The following RTN4 variants were observed in gnomAD, a reference collection of about 807,000 sequenced individuals.
RTN4 encodes reticulon-4.
In RTN4, 32 loss-of-function variants were observed where a neutral mutation model predicts 90.4. The observed-to-expected ratio is 0.35, with a 90% CI of 0.27 to 0.48. The LOEUF (loss-of-function observed/expected upper bound fraction) is 0.48. Among genes scored for constraint, RTN4 ranks in the 20% least tolerant of loss-of-function variants. RTN4 has a pLI of 0.99. For missense variants in RTN4, 1,706 were observed against 1,430.2 expected, an observed-to-expected ratio of 1.19 and a Z score of -3.11; for synonymous variants, 629 against 552.5, an observed-to-expected ratio of 1.14 and a Z score of -1.94.
At chr2:55,073,647 T>G (rs946965415) in intron 2 of RTN4, among the ~76,000 whole-genome samples, 1 of 152,248 alleles carries the variant, frequency 6.6e-6, no homozygotes, top group African/African-American at 2.4e-5. Flanking sequence ...TAGGAGCCAC[T>G]TTAAAATACA....
chr2:55,127,077 G>C, the RTN4 span, among the ~76,000 whole-genome samples: 1 of 152,112 alleles, frequency 6.6e-6, no homozygotes, highest in African/African-American at 2.4e-5. Context: ...TAATACCTGG[G>C]TGATGAAATA....
At chr2:55,086,972 T>C (rs925476612) in intron 1 of RTN4, among the ~76,000 whole-genome samples, 3 of 152,146 alleles carry the variant, frequency 2.0e-5, no homozygotes, top group Non-Finnish European at 2.9e-5. Flanking sequence ...TTTTCAACCT[T>C]ATATAAATGG....
At chr2:54,977,332 G>A (rs1677716125) in intron 5 of RTN4, among the ~76,000 whole-genome samples, 1 of 151,430 alleles carries the variant, frequency 6.6e-6, no homozygotes, top group Non-Finnish European at 1.5e-5. Flanking sequence ...AAATGTGAAT[G>A]TTAACAGCTG....
intron 1 of RTN4, among the ~76,000 whole-genome samples, chr2:55,039,109 G>C (rs1053485988): frequency 6.6e-6 from 1 of 152,198 alleles, no homozygotes; most frequent in African/African-American, 2.4e-5. Context: ...GTAGGAACCA[G>C]AGCAAAGAAT....
chr2:55,132,502 C>CAA, the RTN4 span, among the ~76,000 whole-genome samples: 43 of 142,908 alleles, frequency 3.0e-4, no homozygotes, highest in East Asian at 1.9e-3. Context: ...GACTCTGTCT[C>CAA]AAAAAAAAAA....
chr2:55,011,807 C>G (rs1396432986), intron 3 of RTN4, among the ~76,000 whole-genome samples: 2 of 152,180 alleles, frequency 1.3e-5, no homozygotes. Flanking sequence ...CTATCTGCCT[C>G]TCTAACTCCA....
chr2:55,135,733 C>A, the RTN4 span, among the ~76,000 whole-genome samples: 1 of 152,164 alleles, frequency 6.6e-6, no homozygotes, highest in East Asian at 1.9e-4. Context: ...TGCTGTAGTC[C>A]TTCCTGCCAA....
chr2:54,977,184 C>G (rs1385665400), intron 5 of RTN4, among the ~76,000 whole-genome samples: 4 of 152,220 alleles, frequency 2.6e-5, no homozygotes, highest in Non-Finnish European at 5.9e-5. Flanking sequence ...CCTGCACTCT[C>G]AAACTCTAAA....
At chr2:54,987,029 TA>T (rs1408986296) in intron 4 of RTN4, among the ~76,000 whole-genome samples, 1 of 151,522 alleles carries the variant, frequency 6.6e-6, no homozygotes, top group African/African-American at 2.4e-5. Flanking sequence ...AAAAAATAAT[TA>T]AAAAGTAAAG....
chr2:55,044,785 T>TAAAAACAAA (rs1683306585), intron 1 of RTN4, among the ~76,000 whole-genome samples: 1 of 65,644 alleles, frequency 1.5e-5, no homozygotes, highest in Non-Finnish European at 2.6e-5. Flanking sequence ...TGCAAATCAC[T>TAAAAACAAA]AAAAAAAAAA....
the RTN4 span, among the ~76,000 whole-genome samples, chr2:55,130,990 G>A: frequency 6.6e-6 from 1 of 152,154 alleles, no homozygotes; most frequent in Non-Finnish European, 1.5e-5. Flanking sequence ...AAAGTCCTGG[G>A]CCCCCATCTG....
chr2:55,025,357 T>G lies in RTN4; in HGVS notation c.2742A>C (p.Glu914Asp). 12 of 1,613,982 alleles carry G rather than the reference T, an allele frequency of 7.4e-6. No homozygotes were observed. Among genetic ancestry groups the G allele is most frequent in the Non-Finnish European group, 1.0e-5 (12 of 1,179,912 alleles). ...TCTTCAAAGAAAGGTCATGGGGCAA[T>G]TCTGTGCAAGGCAATGACCCAGCTC... Reference protein sequence around the residue: ...PDGAGSLPCTELPHDLSLKNI... With the variant: ...PDGAGSLPCTDLPHDLSLKNI... The change falls in exon 3 of 9, where the codon GAA becomes GAC. Residue 914 changes from glutamate (E) to aspartate (D), a missense_variant. Physicochemically the swap from Glu to Asp is conservative, Grantham distance 45. Coordinates refer to ENST00000337526, the MANE Select transcript of RTN4 (RefSeq NM_020532.5).
chr2:55,095,355 T>A (rs1013306072), intron 1 of RTN4, among the ~76,000 whole-genome samples: 1 of 151,876 alleles, frequency 6.6e-6, no homozygotes, highest in Non-Finnish European at 1.5e-5. Flanking sequence ...AAAACCCAAA[T>A]ATTATTATGA....
intron 1 of RTN4, among the ~76,000 whole-genome samples, chr2:55,097,094 C>G (rs936270328): frequency 6.6e-6 from 1 of 151,572 alleles, no homozygotes; most frequent in Non-Finnish European, 1.5e-5. Context: ...ACCAAGCAGA[C>G]AAGAGGCCAA....
chr2:55,008,515 G>A (rs564496034), intron 3 of RTN4, among the ~76,000 whole-genome samples: 8 of 151,912 alleles, frequency 5.3e-5, no homozygotes, highest in South Asian at 2.1e-4. Context: ...TAATCTTACC[G>A]ACCAAAACAG....
chr2:55,014,543 G>C (rs1472742698), intron 3 of RTN4: 1 of 148,026 alleles, frequency 6.8e-6, no homozygotes, highest in Non-Finnish European at 1.5e-5. Flanking sequence ...TTTGGAGACA[G>C]AGTCTCGCTC....
intron 3 of RTN4, among the ~76,000 whole-genome samples, chr2:55,022,929 A>ACACACACACACACACACC (rs1174140956): frequency 6.7e-6 from 1 of 149,850 alleles, no homozygotes. Context: ...ACACACACAC[A>ACACACACACACACACACC]CCCTGCTCTC....
chr2:54,988,243 G>A (rs567331838), intron 3 of RTN4, among the ~76,000 whole-genome samples: 18 of 152,136 alleles, frequency 1.2e-4, no homozygotes, highest in Non-Finnish European at 2.2e-4. Context: ...CTTGAACCCG[G>A]GAGGCAGAGG....
In RTN4 at chr2:55,097,141, G is replaced by C. The variant is rs535133885; in HGVS notation, c.-214+15379C>G. Among the ~76,000 whole-genome samples, 360 of 151,762 alleles carry C rather than the reference G, an allele frequency of 2.4e-3. 2 individuals carry two copies. The highest frequency in any genetic ancestry group is 4.3e-3 in the Admixed American group (66 of 15,192). On this transcript the variant is annotated intron_variant, in intron 1 of 3. Transcript: ENST00000427710. The stretch of plus-strand genomic sequence containing the variant: ...GGCAGAGGGCACAGCACGAACTAAG[G>C]CATGGCCACTAAGCAATTTAATATG...
Sources: gnomAD v4.1 joint callset for allele counts (sites outside exome capture counted in the v4.1 genomes callset) on GRCh38, gnomAD v4.1.1 for gene constraint, MANE v1.5 for transcripts, NCBI Gene and HGNC (gene_info 2026-07-23, HGNC 2026-07-21) for gene names.